AFMID: variants seen among roughly 807,000 people sequenced by gnomAD.
AFMID encodes kynurenine formamidase.
A neutral mutation model predicts 47.5 loss-of-function variants in AFMID; 39 were observed. That is an observed-to-expected ratio of 0.82 (90% CI 0.64 to 1.07). AFMID has a LOEUF of 1.07. AFMID is among the 50% of genes least tolerant of loss of function. AFMID has a pLI of 0.00. For synonymous variants in AFMID, 130 were observed against 153.2 expected (o/e 0.85, Z 1.12); for missense variants, 375 against 387.5 (o/e 0.97, Z 0.27).
Position 78,207,208 on chromosome 17 carries a change from G to A in AFMID, c.*271G>A, listed in dbSNP as rs1158203609. On this transcript the variant is annotated 3_prime_UTR_variant, in exon 11 of 11. Transcript: ENST00000409257. ...ATGCCCGGAGCTGCCTCTTAGACTC[G>A]TCTGGCCCATCTACCTGCTGACAGA... is the stretch of plus-strand genomic sequence containing the variant. 1.6e-5 allele frequency: 8 copies of A among 487,274 alleles called. No individual in the cohort carries two copies. Among genetic ancestry groups the A allele is most frequent in the South Asian group, 2.7e-5 (1 of 37,364 alleles). The allele number at this position is 487,274 out of a possible 1,614,324, so 30.2% of individuals were successfully genotyped here.
chr17:78,206,852 A>G (rs1055144545), intron 10 of AFMID, 59 bp from the exon 11 acceptor site: 16 of 1,596,562 alleles, frequency 1.0e-5, no homozygotes, highest in East Asian at 8.9e-5. Flanking sequence ...TCCTTAATCA[A>G]ATTCCTGCAA....
chr17:78,198,351 C>A (rs2076161660), intron 2 of AFMID, among the ~76,000 whole-genome samples: 1 of 151,838 alleles, frequency 6.6e-6, no homozygotes, highest in African/African-American at 2.4e-5. Flanking sequence ...GTAATCCCAG[C>A]ACTTTGGGAG....
chr17:78,197,341 T>C, intron 2 of AFMID: 1 of 771,488 alleles, frequency 1.3e-6, no homozygotes, highest in Non-Finnish European at 2.1e-6. Context: ...GAGTGCGTCC[T>C]ACAGATGCTT....
Position 78,205,745 on chromosome 17 carries a change from C to T in AFMID, c.780+7C>T. The T allele has an allele frequency of 1.9e-6, 3 of 1,608,266 alleles. No individual in the cohort carries two copies. The Admixed American group carries it at 5.0e-5, about 27-fold the overall frequency. ...GTCCTGGGAGTTTTACCAGGTACTC[C>T]CAGTGCAGGTTTGTGGCCAGAGGTC... is the stretch of plus-strand genomic sequence containing the variant. On this transcript the variant is annotated splice_region_variant and intron_variant, in intron 9 of 10. Transcript: ENST00000409257.
At chr17:78,191,146 G>A in intron 2 of AFMID, 86 bp downstream of exon 2, 1 of 1,203,622 alleles carries the variant, frequency 8.3e-7, no homozygotes, top group African/African-American at 1.5e-5. Flanking sequence ...GGGGGGCTGT[G>A]CTGCACCACC....
intron 4 of AFMID, 68 bp from the exon 5 acceptor site, chr17:78,204,588 G>A: frequency 6.6e-7 from 1 of 1,507,822 alleles, no homozygotes; most frequent in Non-Finnish European, 9.2e-7. Flanking sequence ...CAAGTGGTGT[G>A]TCCAGGACAC....
At chr17:78,193,370 CAAAAAAAA>C (rs199993168) in intron 2 of AFMID, among the ~76,000 whole-genome samples, 2 of 68,928 alleles carry the variant, frequency 2.9e-5, no homozygotes, top group South Asian at 5.5e-4. Context: ...GACTCTGTCT[CAAAAAAAA>C]AAAAAAAAAA....
At chr17:78,202,880 G>C in intron 4 of AFMID, 129 bp downstream of exon 4, 4 of 1,133,182 alleles carry the variant, frequency 3.5e-6, no homozygotes, top group South Asian at 1.4e-5. Flanking sequence ...GTCTCACAGC[G>C]CTGGAGAACG....
At chr17:78,190,687 AC>A (rs1425484213) in intron 1 of AFMID, 12 of 355,640 alleles carry the variant, frequency 3.4e-5, no homozygotes, top group Non-Finnish European at 6.2e-5. Context: ...CCACCGGGCC[AC>A]CTGGCCTCCC....
At chr17:78,191,105 A>C in intron 2 of AFMID, 45 bp downstream of exon 2, 1 of 1,536,360 alleles carries the variant, frequency 6.5e-7, no homozygotes, top group Non-Finnish European at 9.0e-7. Flanking sequence ...GTCCTTAAGC[A>C]TGTGGCAGTG....
At chr17:78,194,568 A>G (rs2076059287) in intron 2 of AFMID, among the ~76,000 whole-genome samples, 1 of 152,246 alleles carries the variant, frequency 6.6e-6, no homozygotes, top group Admixed American at 6.5e-5. Flanking sequence ...ATCTGGGCTC[A>G]GGGAGAACAA....
At chr17:78,189,715 TC>T (rs149040675) in intron 1 of AFMID, among the ~76,000 whole-genome samples, 28,986 of 151,728 alleles carry the variant, frequency 0.19, 3,374 homozygotes, top group Non-Finnish European at 0.26. Flanking sequence ...AGATAGTGTT[TC>T]GCCATATTGC....
At chr17:78,197,560 C>T (rs8072139) in intron 2 of AFMID, 9,506 of 216,488 alleles carry the variant, frequency 0.044, 300 homozygotes, top group East Asian at 0.13. Context: ...CATTAAGTTT[C>T]CCCAGTCTGG....
chr17:78,188,210 T>C (rs2075856402), intron 1 of AFMID, among the ~76,000 whole-genome samples: 1 of 151,594 alleles, frequency 6.6e-6, no homozygotes, highest in African/African-American at 2.4e-5. Context: ...TGATCATAAA[T>C]AATAGCAACA....
chr17:78,195,501 TC>T (rs1388021971), intron 2 of AFMID, among the ~76,000 whole-genome samples: 1 of 148,634 alleles, frequency 6.7e-6, no homozygotes, highest in Non-Finnish European at 1.5e-5. Flanking sequence ...AGCCCTGCAG[TC>T]CTGTTTTTTT....
chr17:78,205,361 C>A, intron 7 of AFMID, 79 bp from the exon 8 acceptor site: 1 of 1,537,554 alleles, frequency 6.5e-7, no homozygotes, highest in Non-Finnish European at 9.0e-7. Context: ...CTGGTCCTGC[C>A]CCTCTGGCGG....
intron 2 of AFMID, among the ~76,000 whole-genome samples, chr17:78,193,139 A>G (rs571800444): frequency 6.0e-4 from 92 of 152,170 alleles, no homozygotes; most frequent in Non-Finnish European, 9.1e-4. Flanking sequence ...TGGGAGGCCG[A>G]GGCGGGCGGA....
At position 78,207,264 on chromosome 17, in the gene AFMID, C is replaced by T. The variant is rs1370947302; in HGVS notation, c.*327C>T. 1.5e-5 allele frequency: 4 copies of T among 261,414 alleles called. No individual in the cohort carries two copies. Among genetic ancestry groups the T allele is most frequent in the African/African-American group, 7.2e-5 (3 of 41,642 alleles). The allele number at this position is 261,414 out of a possible 1,614,324, so 16.2% of individuals were successfully genotyped here. A position where few individuals can be genotyped will look rare whatever the true frequency, so the allele number is the denominator to read the frequency against. On this transcript the variant is annotated 3_prime_UTR_variant, in exon 11 of 11. Transcript: ENST00000409257. Reference sequence around the variant, plus strand: ...ACAAAGATGACGCTCAAAAGTAATGCCATTACTTCTTTTTTTTTTTTTTTT... The same window carrying T: ...ACAAAGATGACGCTCAAAAGTAATGTCATTACTTCTTTTTTTTTTTTTTTT...
chr17:78,205,913 T>C, intron 9 of AFMID, 33 bp from the exon 10 acceptor site: 1 of 1,608,936 alleles, frequency 6.2e-7, no homozygotes, highest in Non-Finnish European at 8.5e-7. Context: ...CTCCCACTGC[T>C]CAGGCCCCTC....
Sources: gnomAD v4.1 joint callset for allele counts (sites outside exome capture counted in the v4.1 genomes callset) on GRCh38, gnomAD v4.1.1 for gene constraint, MANE v1.5 for transcripts, NCBI Gene and HGNC (gene_info 2026-07-23, HGNC 2026-07-21) for gene names.